The following BMP5 variants were observed in gnomAD, a reference collection of about 807,000 sequenced individuals.
BMP5 encodes the protein bone morphogenetic protein 5.
Under a neutral mutation model 46.6 loss-of-function variants are expected in BMP5, and 23 were observed. The ratio of observed to expected loss-of-function variants is 0.49; its 90% CI spans 0.35 to 0.70. The LOEUF (loss-of-function observed/expected upper bound fraction) is 0.70, where lower values mean the gene tolerates loss of function less well. BMP5 is among the 30% of genes least tolerant of loss of function. The pLI is 0.00. For missense variants in BMP5, 545 were observed against 565.6 expected (o/e 0.96, Z 0.37); for synonymous variants, 204 against 191.9 (o/e 1.06, Z -0.52).
chr6:55,823,315 C>T (rs1304794038), intron 1 of BMP5, among the ~76,000 whole-genome samples: 1 of 152,062 alleles, frequency 6.6e-6, no homozygotes, highest in Admixed American at 6.6e-5. Flanking sequence ...TATATAGCAT[C>T]TAACACATCA....
intron 1 of BMP5, among the ~76,000 whole-genome samples, chr6:55,847,086 C>T (rs1777115232): frequency 6.6e-6 from 1 of 151,840 alleles, no homozygotes; most frequent in Non-Finnish European, 1.5e-5. Flanking sequence ...ATCTCATAGA[C>T]TAGGCACTGC....
intron 1 of BMP5, among the ~76,000 whole-genome samples, chr6:55,864,528 G>A (rs1329092197): frequency 6.6e-6 from 1 of 151,772 alleles, no homozygotes; most frequent in East Asian, 1.9e-4. Context: ...CATCGAATGG[G>A]CTGCCTGATC....
chr6:55,821,119 A>G (rs561941605), intron 1 of BMP5, among the ~76,000 whole-genome samples: 1 of 152,310 alleles, frequency 6.6e-6, no homozygotes, highest in South Asian at 2.1e-4. Flanking sequence ...ATGGAAGGGA[A>G]AAGATGATAA....
intron 2 of BMP5, 138 bp from the exon 3 acceptor site, chr6:55,794,565 A>G (rs111778697): frequency 6.2e-6 from 5 of 811,376 alleles, no homozygotes; most frequent in Admixed American, 4.2e-5. Context: ...CAAGTGACTC[A>G]AGTGATGAGT....
chr6:55,831,335 T>C (rs1776658974), intron 1 of BMP5, among the ~76,000 whole-genome samples: 1 of 152,152 alleles, frequency 6.6e-6, no homozygotes, highest in East Asian at 1.9e-4. Context: ...AACCAATTAT[T>C]ACCAGATAGC....
chr6:55,770,852 C>T (rs1385243081), intron 4 of BMP5, among the ~76,000 whole-genome samples: 1 of 151,752 alleles, frequency 6.6e-6, no homozygotes, highest in Admixed American at 6.6e-5. Flanking sequence ...AATGACCGAT[C>T]GTTGGAGCAA....
chr6:55,806,618 A>G (rs1337970770), intron 2 of BMP5, among the ~76,000 whole-genome samples: 1 of 152,182 alleles, frequency 6.6e-6, no homozygotes, highest in Admixed American at 6.5e-5. Context: ...TGCCAATGGT[A>G]GTTTGATGGG....
chr6:55,759,341 A>G (rs564913582), intron 5 of BMP5, among the ~76,000 whole-genome samples: 1 of 151,788 alleles, frequency 6.6e-6, no homozygotes, highest in East Asian at 1.9e-4. Flanking sequence ...GTTTAGGACA[A>G]AAGTATAAAT....
intron 1 of BMP5, among the ~76,000 whole-genome samples, chr6:55,871,512 C>T (rs1777787372): frequency 6.6e-6 from 1 of 151,708 alleles, no homozygotes; most frequent in South Asian, 2.1e-4. Flanking sequence ...GTCTGCATGC[C>T]TTAGGCAATT....
Position 55,853,949 on chromosome 6 carries a change from T to C in BMP5, c.490+20427A>G, listed in dbSNP as rs568269794. Reference sequence around the variant, plus strand: ...AGCTCAACCAATTTCAAAACCATTATATACTTCAGAATTTTTTACCAAATA... The same window carrying C: ...AGCTCAACCAATTTCAAAACCATTACATACTTCAGAATTTTTTACCAAATA... On this transcript the variant is annotated intron_variant, in intron 1 of 6. Coordinates refer to ENST00000370830, the MANE Select transcript of BMP5 (RefSeq NM_021073.4). Among the ~76,000 whole-genome samples the C allele has an allele frequency of 1.3e-4, 20 of 152,308 alleles. 2 individuals are homozygous for C. Among genetic ancestry groups the C allele is most frequent in the African/African-American group, 4.8e-4 (20 of 41,580 alleles).
rs987858157 is a variant in BMP5 at position 55,764,435 on chromosome 6, T to C, written c.1028-3902A>G. ...AAAAATACGAAAAATTAGCCAGGCG[T>C]AGTGGCGGACGCCTGTAGTCCCAGC... On this transcript the variant is annotated intron_variant, in intron 4 of 6. Coordinates refer to ENST00000370830, the MANE Select transcript of BMP5 (RefSeq NM_021073.4). 1.0e-3 allele frequency among the ~76,000 whole-genome samples: 156 copies of C among 151,680 alleles called. 1 individual carries two copies. Among genetic ancestry groups the C allele is most frequent in the East Asian group, 9.8e-4 (5 of 5,126 alleles).
At chr6:55,863,762 C>T (rs1487406719) in intron 1 of BMP5, among the ~76,000 whole-genome samples, 1 of 152,126 alleles carries the variant, frequency 6.6e-6, no homozygotes, top group Non-Finnish European at 1.5e-5. Context: ...TGTAGCACAA[C>T]CAATTACGTG....
intron 4 of BMP5, among the ~76,000 whole-genome samples, chr6:55,770,631 GGCACAAGAGGCCTA>G (rs1775026548): frequency 6.6e-6 from 1 of 151,876 alleles, no homozygotes; most frequent in Non-Finnish European, 1.5e-5. Flanking sequence ...CTGTTTGTTT[GGCACAAGAGGCCTA>G]GCTTTCAATC....
chr6:55,794,549 G>A, intron 2 of BMP5, 122 bp from the exon 3 acceptor site: 1 of 957,330 alleles, frequency 1.0e-6, no homozygotes, highest in South Asian at 1.4e-5. Context: ...TAAAGAACAA[G>A]AGGAACAAGT....
intron 2 of BMP5, among the ~76,000 whole-genome samples, chr6:55,812,420 A>AAATT (rs1776157317): frequency 6.6e-6 from 1 of 152,216 alleles, no homozygotes; most frequent in Non-Finnish European, 1.5e-5. Flanking sequence ...ATTTGATTGC[A>AAATT]TAACACTGTC....
At chr6:55,849,352 C>A (rs1200351988) in intron 1 of BMP5, among the ~76,000 whole-genome samples, 1 of 151,958 alleles carries the variant, frequency 6.6e-6, no homozygotes, top group Admixed American at 6.6e-5. Flanking sequence ...TACATATATG[C>A]AGACATGTGC....
chr6:55,756,113 A>C (rs1774588517), intron 6 of BMP5, among the ~76,000 whole-genome samples: 1 of 152,024 alleles, frequency 6.6e-6, no homozygotes, highest in Non-Finnish European at 1.5e-5. Flanking sequence ...ATCTTTTAAA[A>C]GGAAAATTAA....
chr6:55,763,801 C>T (rs1312408424), intron 4 of BMP5, among the ~76,000 whole-genome samples: 1 of 152,080 alleles, frequency 6.6e-6, no homozygotes, highest in African/African-American at 2.4e-5. Context: ...TTAGGAAGCC[C>T]ATGCCAAAAT....
intron 2 of BMP5, among the ~76,000 whole-genome samples, chr6:55,795,757 A>T (rs917235948): frequency 6.6e-6 from 1 of 152,176 alleles, no homozygotes; most frequent in African/African-American, 2.4e-5. Flanking sequence ...AATACAAACT[A>T]TGAATGTTTT....
Sources: allele counts gnomAD v4.1 joint callset (sites outside exome capture counted in the v4.1 genomes callset), GRCh38; gene constraint gnomAD v4.1.1; transcripts MANE v1.5; gene names NCBI Gene and HGNC (gene_info 2026-07-23, HGNC 2026-07-21).